CDK5RAP1: variants seen among roughly 807,000 people sequenced by gnomAD.
The protein encoded by CDK5RAP1 is mitochondrial tRNA methylthiotransferase CDK5RAP1.
In CDK5RAP1, 62 loss-of-function variants were observed where a neutral mutation model predicts 64.5. That is an observed-to-expected ratio of 0.96 (90% CI 0.78 to 1.19). The LOEUF (loss-of-function observed/expected upper bound fraction) is 1.19. Ranked by LOEUF, CDK5RAP1 falls within the 50% of genes most tolerant of loss-of-function variation. CDK5RAP1 has a pLI of 0.00. For synonymous variants in CDK5RAP1, 250 were observed against 261.9 expected, an observed-to-expected ratio of 0.95 and a Z score of 0.44; for missense variants, 657 against 735.0, an observed-to-expected ratio of 0.89 and a Z score of 1.23.
intron 12 of CDK5RAP1, 81 bp from the exon 13 acceptor site, chr20:33,360,572 T>C: frequency 7.6e-7 from 1 of 1,307,566 alleles, no homozygotes; most frequent in Non-Finnish European, 1.1e-6. Context: ...CTTCTCTGTC[T>C]CGGATCCCCA....
At chr20:33,379,388 T>A in intron 8 of CDK5RAP1, 73 bp downstream of exon 8, 1 of 1,057,248 alleles carries the variant, frequency 9.5e-7, no homozygotes, top group Non-Finnish European at 1.5e-6. Context: ...CTCTGCTGCA[T>A]CCCTACTGGG....
At chr20:33,377,315 T>C (rs1002028184) in intron 8 of CDK5RAP1, among the ~76,000 whole-genome samples, 5 of 152,208 alleles carry the variant, frequency 3.3e-5, no homozygotes, top group African/African-American at 1.2e-4. Context: ...TGCAAATCTG[T>C]TGTTTAGTAG....
chr20:33,371,782 C>CA (rs1356279454), intron 10 of CDK5RAP1, among the ~76,000 whole-genome samples: 3 of 150,024 alleles, frequency 2.0e-5, no homozygotes, highest in Non-Finnish European at 3.0e-5. Flanking sequence ...GATTCTGTCT[C>CA]AAAAAAAAAG....
chr20:33,368,790 G>C (rs1408123264), intron 11 of CDK5RAP1, among the ~76,000 whole-genome samples: 1 of 151,890 alleles, frequency 6.6e-6, no homozygotes, highest in Non-Finnish European at 1.5e-5. Context: ...AGAAAAACTT[G>C]AACCCGGAAG....
chr20:33,370,507 T>C lies in CDK5RAP1; in HGVS notation c.1384A>G (p.Met462Val), dbSNP rs773663535. 3.7e-6 allele frequency: 6 copies of C among 1,614,150 alleles called. No homozygotes were observed. The African/African-American group carries it at 4.0e-5, about 11-fold the overall frequency. ...CCAACCCCAGGGCTCACCTGTCTCA[T>C]GCTGTAGGCAAAGAGGAAGCCCATG... ...YNMGFLFAYSMRQKTRAYHRL... is the reference protein window; with the variant it reads ...YNMGFLFAYSVRQKTRAYHRL... The change falls in exon 11 of 14, where the codon ATG becomes GTG. Residue 462 changes from methionine to valine, a missense_variant. Transcript: ENST00000346416.
rs372795521 is a variant in CDK5RAP1, at chr20:33,391,561, CCTATAATCCCAACA to C, written c.544+567_544+580del. The stretch of plus-strand genomic sequence containing the variant: ...GTCAGGCCAGGCACGGTGGCTCATG[CCTATAATCCCAACA>C]CTTTGGGAGGCTGAGGCAGGCGGAT... On this transcript the variant is annotated intron_variant, in intron 5 of 13. Coordinates refer to ENST00000346416, the MANE Select transcript of CDK5RAP1 (RefSeq NM_016408.4). Among the ~76,000 whole-genome samples the C allele has an allele frequency of 2.1e-3, 320 of 152,270 alleles. 3 individuals carry two copies. Among genetic ancestry groups the C allele is most frequent in the African/African-American group, 7.3e-3 (305 of 41,546 alleles).
chr20:33,376,826 A>G (rs1342916186), intron 8 of CDK5RAP1, among the ~76,000 whole-genome samples: 1 of 152,236 alleles, frequency 6.6e-6, no homozygotes, highest in African/African-American at 2.4e-5. Context: ...GATACCATTA[A>G]GAACATTAAT....
intron 7 of CDK5RAP1, among the ~76,000 whole-genome samples, chr20:33,384,473 G>A (rs949369589): frequency 6.6e-6 from 1 of 152,150 alleles, no homozygotes; most frequent in African/African-American, 2.4e-5. Flanking sequence ...CACTTGGAGA[G>A]GTGGGGTATG....
At chr20:33,401,560 C>T (rs938793725), upstream of CDK5RAP1, 22 of 985,148 alleles carry the variant, frequency 2.2e-5, no homozygotes, top group African/African-American at 3.5e-4. Flanking sequence ...CCGGGTCATG[C>T]TAACGGAAGT....
intron 9 of CDK5RAP1, 115 bp from the exon 10 acceptor site, chr20:33,372,812 G>C (rs1261628752): frequency 1.5e-6 from 1 of 678,056 alleles, no homozygotes; most frequent in South Asian, 1.8e-5. Flanking sequence ...CCACATGGCA[G>C]GGCACACGAG....
At chr20:33,365,173 G>A (rs1983673607) in intron 12 of CDK5RAP1, among the ~76,000 whole-genome samples, 3 of 152,208 alleles carry the variant, frequency 2.0e-5, no homozygotes, top group Non-Finnish European at 4.4e-5. Flanking sequence ...TAGGATCACA[G>A]GCTTGAGCCA....
rs2146562441 is a variant in CDK5RAP1 at position 33,358,918 on chromosome 20, A to G, written c.*125T>C. ...TTAAAGAGACACGTTTTCCACTGAC[A>G]TAAAGTTGCTTCGCCCCTTGCAGCT... On this transcript the variant is annotated 3_prime_UTR_variant, in exon 14 of 14. Coordinates refer to ENST00000346416, the MANE Select transcript of CDK5RAP1 (RefSeq NM_016408.4). The G allele has an allele frequency of 1.5e-6, 1 of 689,194 alleles. No homozygotes were observed. Among genetic ancestry groups the G allele is most frequent in the Non-Finnish European group, 2.6e-6 (1 of 390,100 alleles). 42.7% of individuals were successfully genotyped at this position (689,194 alleles called of 1,614,324 possible). A position where few individuals can be genotyped will look rare whatever the true frequency, so the allele number is the denominator to read the frequency against.
intron 7 of CDK5RAP1, among the ~76,000 whole-genome samples, chr20:33,381,475 G>A (rs971723704): frequency 6.6e-6 from 1 of 152,090 alleles, no homozygotes; most frequent in African/African-American, 2.4e-5. Flanking sequence ...TGCCCAGGCT[G>A]GAGTGCACTA....
At chr20:33,386,080 TG>T (rs1248609549) in intron 6 of CDK5RAP1, among the ~76,000 whole-genome samples, 1 of 152,232 alleles carries the variant, frequency 6.6e-6, no homozygotes, top group Admixed American at 6.5e-5. Context: ...TGTTTTGTTT[TG>T]TTTGAGACGG....
chr20:33,397,186 G>T, intron 1 of CDK5RAP1, 102 bp from the exon 2 acceptor site: 1 of 823,932 alleles, frequency 1.2e-6, no homozygotes, highest in Non-Finnish European at 1.8e-6. Context: ...CCTCACAAAA[G>T]CCCATGAAGA....
At chr20:33,372,197 G>A (rs146862542) in intron 10 of CDK5RAP1, among the ~76,000 whole-genome samples, 124 of 150,374 alleles carry the variant, frequency 8.2e-4, no homozygotes, top group African/African-American at 2.9e-3. Flanking sequence ...CTGTAAAATC[G>A]GCCTCAAAAA....
chr20:33,392,306 G>A (rs1988411318), intron 4 of CDK5RAP1, 64 bp from the exon 5 acceptor site: 2 of 949,922 alleles, frequency 2.1e-6, no homozygotes, highest in African/African-American at 1.6e-5. Flanking sequence ...TAAGAGAGTA[G>A]GTCAGTGGGA....
In CDK5RAP1 at chr20:33,367,009, C is replaced by T. The variant is rs777388839; in HGVS notation, c.1393-1G>A. On this transcript the variant is annotated splice_acceptor_variant, in intron 11 of 13. Coordinates refer to ENST00000346416, the MANE Select transcript of CDK5RAP1 (RefSeq NM_016408.4). LOFTEE classifies it high-confidence loss of function. ...TCAGCCTATGATATGCCCGTGTCTTCTATTAAAAAAAAAAAAAAGAGAGAA... is the reference window on the plus strand; with the variant it reads ...TCAGCCTATGATATGCCCGTGTCTTTTATTAAAAAAAAAAAAAAGAGAGAA... 4 of 1,563,800 alleles carry T rather than the reference C, an allele frequency of 2.6e-6. No individual in the cohort carries two copies. Among genetic ancestry groups the T allele is most frequent in the Non-Finnish European group, 8.7e-7 (1 of 1,155,366 alleles).
chr20:33,386,132 C>T (rs532531655), intron 6 of CDK5RAP1, among the ~76,000 whole-genome samples: 51 of 152,270 alleles, frequency 3.3e-4, no homozygotes, highest in Admixed American at 2.9e-3. Flanking sequence ...GTTGCAATCT[C>T]GGCTCACTGC....
Sources: gnomAD v4.1 joint callset for allele counts (sites outside exome capture counted in the v4.1 genomes callset) on GRCh38, gnomAD v4.1.1 for gene constraint, MANE v1.5 for transcripts, NCBI Gene and HGNC (gene_info 2026-07-23, HGNC 2026-07-21) for gene names.